PARD3B: variants seen among roughly 807,000 people sequenced by gnomAD.
PARD3B encodes par-3 family cell polarity regulator beta, also known as partitioning defective 3 homolog B.
PARD3B carries 103 observed loss-of-function variants against 130.2 expected under a neutral mutation model. That is an observed-to-expected ratio of 0.79 (90% CI 0.67 to 0.93). The LOEUF is 0.93. Ranked by LOEUF, PARD3B falls within the 40% of genes least tolerant of loss-of-function variation. PARD3B has a pLI of 0.00. For missense variants in PARD3B, 1,609 were observed against 1,499.2 expected, an observed-to-expected ratio of 1.07 and a Z score of -1.21; for synonymous variants, 583 against 553.2, an observed-to-expected ratio of 1.05 and a Z score of -0.76.
At chr2:205,067,027 G>A in intron 4 of PARD3B, among the ~76,000 whole-genome samples, 1 of 138,212 alleles carries the variant, frequency 7.2e-6, no homozygotes. Flanking sequence ...AATTATCTCA[G>A]TAGAAACTAA....
chr2:204,590,268 A>T (rs1190972688), intron 1 of PARD3B, among the ~76,000 whole-genome samples: 1 of 152,124 alleles, frequency 6.6e-6, no homozygotes, highest in Non-Finnish European at 1.5e-5. Context: ...TAATTCCATT[A>T]TGAGGGCCCC....
Position 204,796,823 on chromosome 2 carries a change from A to G in PARD3B, c.222+110541A>G, listed in dbSNP as rs369362626. ...TCCAGGTACTATGTTTTGAGTAACC[A>G]TATGCCTCTGGCTATGCTAAATTTA... is the stretch of plus-strand genomic sequence containing the variant. On this transcript the variant is annotated intron_variant, in intron 2 of 22. Transcript: ENST00000406610. 3.9e-5 allele frequency among the ~76,000 whole-genome samples: 6 copies of G among 152,314 alleles called. 1 individual carries two copies. The highest frequency in any genetic ancestry group is 1.4e-4 in the African/African-American group (6 of 41,570).
intron 20 of PARD3B, among the ~76,000 whole-genome samples, chr2:205,472,076 C>T (rs1429703885): frequency 1.3e-5 from 2 of 152,172 alleles, no homozygotes; most frequent in African/African-American, 2.4e-5. Context: ...AATGCTTTTA[C>T]AGTCTTGGAA....
intron 2 of PARD3B, among the ~76,000 whole-genome samples, chr2:204,734,104 G>A (rs978744134): frequency 6.6e-6 from 1 of 151,918 alleles, no homozygotes; most frequent in Non-Finnish European, 1.5e-5. Context: ...ATTAAAACTG[G>A]GGTCCAATAT....
chr2:205,223,912 G>A (rs77043311), intron 15 of PARD3B, among the ~76,000 whole-genome samples: 13,746 of 152,040 alleles, frequency 0.09, 610 homozygotes, highest in South Asian at 0.11. Context: ...CATTTATCCT[G>A]TCATTGTATT....
chr2:205,503,624 T>C (rs2050240819), intron 21 of PARD3B, among the ~76,000 whole-genome samples: 1 of 152,186 alleles, frequency 6.6e-6, no homozygotes, highest in South Asian at 2.1e-4. Context: ...CCAGCTTTGT[T>C]CTTTTGTCTT....
chr2:204,750,641 CAT>C (rs1321783080), intron 2 of PARD3B, among the ~76,000 whole-genome samples: 2 of 152,116 alleles, frequency 1.3e-5, no homozygotes, highest in Admixed American at 6.6e-5. Context: ...TACACACACA[CAT>C]ACATACATAC....
At chr2:205,181,979 T>A (rs2035813594) in intron 13 of PARD3B, among the ~76,000 whole-genome samples, 1 of 152,134 alleles carries the variant, frequency 6.6e-6, no homozygotes, top group African/African-American at 2.4e-5. Context: ...CCTTACAGCA[T>A]CTGAATATGT....
intron 3 of PARD3B, among the ~76,000 whole-genome samples, chr2:205,041,399 T>C (rs1332601380): frequency 1.3e-5 from 2 of 152,204 alleles, no homozygotes; most frequent in African/African-American, 4.8e-5. Context: ...AAGCCAGAAA[T>C]GAGAATGATT....
chr2:205,114,917 A>G (rs186699795), intron 6 of PARD3B, among the ~76,000 whole-genome samples: 10 of 152,196 alleles, frequency 6.6e-5, no homozygotes, highest in Admixed American at 6.5e-4. Flanking sequence ...GGACAAACTG[A>G]GGTTGTTTTT....
At chr2:204,754,555 A>G (rs1296401720) in intron 2 of PARD3B, among the ~76,000 whole-genome samples, 3 of 152,204 alleles carry the variant, frequency 2.0e-5, no homozygotes, top group Non-Finnish European at 4.4e-5. Context: ...AAACATTTAG[A>G]ATGTCTGGCA....
rs188057828 is a variant in PARD3B at position 205,390,490 on chromosome 2, G to A, written c.2631-10523G>A. Among the ~76,000 whole-genome samples the A allele has an allele frequency of 5.9e-4, 89 of 152,066 alleles. 1 individual carries two copies. In the South Asian group the frequency reaches 7.9e-3, roughly 13 times the overall value. On this transcript the variant is annotated intron_variant, in intron 18 of 22. Coordinates refer to ENST00000406610, the MANE Select transcript of PARD3B (RefSeq NM_001302769.2). ...CTTTTGTCACTCAACTAATTAATTC[G>A]GTATGCTAGAGAAAAGATGCGAATT...
At chr2:204,721,827 A>G (rs6733714) in intron 2 of PARD3B, among the ~76,000 whole-genome samples, 48,703 of 151,934 alleles carry the variant, frequency 0.32, 10,582 homozygotes, top group African/African-American at 0.62. Flanking sequence ...TCTAATTTTG[A>G]ATGAACTTTT....
At chr2:204,990,277 GATA>G (rs1693543298) in intron 3 of PARD3B, among the ~76,000 whole-genome samples, 1 of 148,722 alleles carries the variant, frequency 6.7e-6, no homozygotes, top group Non-Finnish European at 1.5e-5. Context: ...TTTTTTTACT[GATA>G]ATAATTGTAC....
chr2:205,027,574 T>G (rs1359230024), intron 3 of PARD3B, among the ~76,000 whole-genome samples: 1 of 152,142 alleles, frequency 6.6e-6, no homozygotes, highest in Non-Finnish European at 1.5e-5. Context: ...TTTGGTGTAG[T>G]CCTGCTTGTT....
At chr2:204,798,153 G>GA (rs533662151) in intron 2 of PARD3B, among the ~76,000 whole-genome samples, 37 of 152,268 alleles carry the variant, frequency 2.4e-4, no homozygotes, top group African/African-American at 8.4e-4. Flanking sequence ...GAGAGGGTAG[G>GA]AAGGACAGTC....
chr2:204,940,063 T>C (rs2125799104), intron 2 of PARD3B, among the ~76,000 whole-genome samples: 1 of 152,298 alleles, frequency 6.6e-6, no homozygotes, highest in Non-Finnish European at 1.5e-5. Flanking sequence ...TGGAAAAATA[T>C]TCATAAGAGA....
At position 205,584,232 on chromosome 2, in the gene PARD3B, G is replaced by A. The variant is rs918729571; in HGVS notation, c.3260+30829G>A. Among the ~76,000 whole-genome samples, 3 of 152,104 alleles carry A rather than the reference G, an allele frequency of 2.0e-5. No homozygotes were observed. Among genetic ancestry groups the A allele is most frequent in the African/African-American group, 7.2e-5 (3 of 41,410 alleles). On this transcript the variant is annotated intron_variant, in intron 22 of 22. Transcript: ENST00000406610. The surrounding 1 kb of genome is among the most constrained non-coding windows in gnomAD (Gnocchi z 5.5). ...ATGTAAAATGCACACCAGGTCCCAA[G>A]ACTTAATGCCAAAAGCAAAAGAATA...
intron 18 of PARD3B, among the ~76,000 whole-genome samples, chr2:205,308,524 G>A (rs12474300): frequency 0.56 from 84,268 of 149,880 alleles, 27,320 homozygotes; most frequent in South Asian, 0.76. Context: ...GGAGAATGGC[G>A]TGAACCTGGG....
Sources: gnomAD v4.1 joint callset for allele counts (sites outside exome capture counted in the v4.1 genomes callset) on GRCh38, gnomAD v4.1.1 for gene constraint, Gnocchi (gnomAD v3.1) non-coding constraint, MANE v1.5 for transcripts, NCBI Gene and HGNC (gene_info 2026-07-23, HGNC 2026-07-21) for gene names.